The following POLQ variants were observed in gnomAD, a reference collection of about 807,000 sequenced individuals.
POLQ encodes the protein DNA polymerase theta.
Under a neutral mutation model 259.2 loss-of-function variants are expected in POLQ, and 233 were observed. The observed-to-expected ratio is 0.90, with a 90% confidence interval of 0.81 to 1.00. The LOEUF (loss-of-function observed/expected upper bound fraction) is 1.00. Ranked by LOEUF, POLQ falls within the 50% of genes least tolerant of loss-of-function variation. The pLI, the probability that POLQ is intolerant of heterozygous loss-of-function variation, is 0.00. For missense variants in POLQ, 2,871 were observed against 3,051.6 expected (o/e 0.94, Z 1.39); for synonymous variants, 1,025 against 1,048.8 (o/e 0.98, Z 0.44).
chr3:121,497,953 T>C (rs1430347561), intron 13 of POLQ, among the ~76,000 whole-genome samples: 1 of 152,202 alleles, frequency 6.6e-6, no homozygotes, highest in Non-Finnish European at 1.5e-5. Context: ...ATAAGGTCTT[T>C]ATATATAATG....
At chr3:121,457,676 C>T in intron 25 of POLQ, among the ~76,000 whole-genome samples, 1 of 152,150 alleles carries the variant, frequency 6.6e-6, no homozygotes, top group Non-Finnish European at 1.5e-5. Context: ...AAATCAAAAC[C>T]ACAATGAGAT....
chr3:121,539,592 G>T lies in POLQ; in HGVS notation c.475-3C>A. On this transcript the variant is annotated splice_region_variant and splice_polypyrimidine_tract_variant and intron_variant, in intron 3 of 29. Coordinates refer to ENST00000264233, the MANE Select transcript of POLQ (RefSeq NM_199420.4). The stretch of plus-strand genomic sequence containing the variant: ...ATTCCTACTTCCTGAAACAGACTCT[G>T]AATTGAGTAAAAAGGAACAATACAG... 6.2e-7 allele frequency: 1 copy of T among 1,610,240 alleles called. No homozygotes were observed. The highest frequency in any genetic ancestry group is 1.1e-5 in the South Asian group (1 of 90,610).
chr3:121,513,919 G>A (rs2048275121), intron 9 of POLQ, among the ~76,000 whole-genome samples: 1 of 149,834 alleles, frequency 6.7e-6, no homozygotes, highest in Admixed American at 6.7e-5. Flanking sequence ...CTACTTGGGA[G>A]GCTGAGGCAG....
chr3:121,541,234 G>T, intron 3 of POLQ, 115 bp downstream of exon 3: 2 of 916,110 alleles, frequency 2.2e-6, no homozygotes, highest in Non-Finnish European at 3.3e-6. Flanking sequence ...GCTACATAGG[G>T]CACAATGAAG....
intron 20 of POLQ, among the ~76,000 whole-genome samples, chr3:121,474,987 C>T (rs962142332): frequency 6.6e-6 from 1 of 152,100 alleles, no homozygotes; most frequent in Non-Finnish European, 1.5e-5. Flanking sequence ...ATATTGATCA[C>T]CACACTTAGA....
intron 11 of POLQ, 89 bp downstream of exon 11, chr3:121,509,950 T>C (rs987614714): frequency 1.8e-6 from 2 of 1,111,484 alleles, no homozygotes; most frequent in African/African-American, 3.1e-5. Flanking sequence ...TTATACTACA[T>C]GAAAAGACAA....
Position 121,440,058 on chromosome 3 carries a change from C to T in POLQ, c.7323G>A (p.Gln2441=), listed in dbSNP as rs1312676549. Reference sequence around the variant, plus strand: ...AATATCTACGCCTTCCCAAAATGGTCTGAACAAATCCGTCTCTTTTACAAT... The same window carrying T: ...AATATCTACGCCTTCCCAAAATGGTTTGAACAAATCCGTCTCTTTTACAAT... ...VKNCKRDGFV[Q]TILGRRRYLP... The change falls in exon 27 of 30, where the codon CAG becomes CAA. Residue 2441 remains glutamine (Q), a synonymous_variant. Transcript: ENST00000264233. 5 of 1,611,198 alleles carry T rather than the reference C, an allele frequency of 3.1e-6. No homozygotes were observed.
chr3:121,465,700 A>G (rs1384959226), intron 24 of POLQ, among the ~76,000 whole-genome samples: 1 of 152,154 alleles, frequency 6.6e-6, no homozygotes, highest in Non-Finnish European at 1.5e-5. Flanking sequence ...TATTATTACA[A>G]TCCATGAACC....
intron 13 of POLQ, among the ~76,000 whole-genome samples, 161 bp downstream of exon 13, chr3:121,498,316 T>TA (rs1312737665): frequency 2.2e-3 from 315 of 140,246 alleles, no homozygotes; most frequent in Middle Eastern, 7.2e-3. Flanking sequence ...ATTTCAAAAT[T>TA]AAAAAAAAAA....
intron 1 of POLQ, 88 bp downstream of exon 1, chr3:121,545,627 G>A: frequency 1.5e-6 from 2 of 1,290,338 alleles, no homozygotes; most frequent in Non-Finnish European, 2.1e-6. Context: ...ATGCAACGAA[G>A]CAAGTCCCGT....
intron 4 of POLQ, among the ~76,000 whole-genome samples, chr3:121,538,171 A>G (rs1050327659): frequency 6.6e-6 from 1 of 152,182 alleles, no homozygotes; most frequent in African/African-American, 2.4e-5. Flanking sequence ...AAAGTAGCTT[A>G]GAAAAAACAT....
Position 121,488,453 on chromosome 3 carries a change from C to A in POLQ, c.4478G>T (p.Ser1493Ile). 1 of 1,610,274 alleles carries A rather than the reference C, an allele frequency of 6.2e-7. No homozygotes were observed. The highest frequency in any genetic ancestry group is 8.5e-7 in the Non-Finnish European group (1 of 1,178,594). Residue 1493 changes from serine to isoleucine, a missense_variant, in exon 16 of 30, where the codon AGC becomes ATC. Around this residue, in one of 3 missense-constraint regions of POLQ, gnomAD observed 2,080 missense variants for 2,126.0 expected, o/e 0.98. Transcript: ENST00000264233. ...TTTTACTAGATAGTCATCACTGAAG[C>A]TATCAAATAGTAAACTATCACTCAT... ...LNMSDSLLFDSFSDDYLVKEQ... is the reference protein window; with the variant it reads ...LNMSDSLLFDIFSDDYLVKEQ...
At position 121,481,512 on chromosome 3, in the gene POLQ, G is replaced by C. The variant is rs947614531; in HGVS notation, c.6211+60C>G. The C allele has an allele frequency of 7.7e-6, 11 of 1,436,348 alleles. No individual in the cohort carries two copies. The South Asian group carries it at 8.4e-5, about 11-fold the overall frequency. The allele number at this position is 1,436,348 out of a possible 1,614,324, so 89.0% of individuals were successfully genotyped here. A position where few individuals can be genotyped will look rare whatever the true frequency, so the allele number is the denominator to read the frequency against. ...GTGTAATTTACCCATTTTTGATAAA[G>C]AGTGGCTAAATCTCTATCTCTAATC... On this transcript the variant is annotated intron_variant, in intron 19 of 29. Transcript: ENST00000264233.
At position 121,432,976 on chromosome 3, in the gene POLQ, A is replaced by C; in HGVS notation, c.7601T>G (p.Phe2534Cys). 1 of 1,612,908 alleles carries C rather than the reference A, an allele frequency of 6.2e-7. No individual in the cohort carries two copies. The highest frequency in any genetic ancestry group is 8.5e-7 in the Non-Finnish European group (1 of 1,178,922). ...GMFCPIRGGF[F>C]ILQLHDELLY... ...GAGTTCATCATGGAGTTGAAGGATG[A>C]AGAAGCCTCCTCTGATTGGGCAGAA... The change falls in exon 29 of 30, where the codon TTC (phenylalanine) becomes TGC (cysteine). Residue 2534 changes from phenylalanine to cysteine, a missense_variant. Physicochemically the swap from Phe to Cys is radical, Grantham distance 205 (BLOSUM62 -2). Around this residue, in one of 3 missense-constraint regions of POLQ, gnomAD observed 2,080 missense variants for 2,126.0 expected, o/e 0.98. Transcript: ENST00000264233.
chr3:121,496,581 G>A (rs1055384623), intron 14 of POLQ, among the ~76,000 whole-genome samples: 1 of 152,152 alleles, frequency 6.6e-6, no homozygotes, highest in Admixed American at 6.5e-5. Context: ...TCAGCAGGTT[G>A]CTAAGGAATA....
chr3:121,544,921 A>C lies in POLQ; in HGVS notation c.164-15T>G. The stretch of plus-strand genomic sequence containing the variant: ...CTTGCATTCTCCTTTTAGGAAAAAG[A>C]AAAAATTAAAATTTAATTTACTTCT... On this transcript the variant is annotated splice_polypyrimidine_tract_variant and intron_variant, in intron 1 of 29. Coordinates refer to ENST00000264233, the MANE Select transcript of POLQ (RefSeq NM_199420.4). 6.6e-7 allele frequency: 1 copy of C among 1,521,400 alleles called. No individual in the cohort carries two copies. The highest frequency in any genetic ancestry group is 9.0e-7 in the Non-Finnish European group (1 of 1,115,360). The allele number at this position is 1,521,400 out of a possible 1,614,324, so 94.2% of individuals were successfully genotyped here.
At chr3:121,463,530 T>TA (rs957755782) in intron 24 of POLQ, among the ~76,000 whole-genome samples, 2 of 152,180 alleles carry the variant, frequency 1.3e-5, no homozygotes, top group Non-Finnish European at 2.9e-5. Flanking sequence ...GTTTCTTTTT[T>TA]GGCTTTGGAT....
At chr3:121,465,962 T>C (rs1458688156) in intron 24 of POLQ, among the ~76,000 whole-genome samples, 1 of 152,190 alleles carries the variant, frequency 6.6e-6, no homozygotes. Context: ...GGAAGGCATG[T>C]CAAAAGCTGA....
In POLQ at chr3:121,545,776, G is replaced by A. The variant is rs761264322; in HGVS notation, c.102C>T (p.Leu34=). The A allele has an allele frequency of 7.5e-6, 12 of 1,608,964 alleles. No individual in the cohort carries two copies. The highest frequency in any genetic ancestry group is 1.0e-5 in the Non-Finnish European group (12 of 1,177,938). Residue 34 remains leucine, a synonymous_variant, in exon 1 of 30, where the codon CTC becomes CTT. Transcript: ENST00000264233. ...GCGGCGGGCTCAGCACGGACCCGGA[G>A]AGGAACTGGGGGCTGGCACTGCTGT... ...GGDSSASPQF[L]SGSVLSPPPG...
Sources: gnomAD v4.1 joint callset for allele counts (sites outside exome capture counted in the v4.1 genomes callset) on GRCh38, gnomAD v4.1.1 for gene constraint, gnomAD v4.1.1 regional missense constraint, MANE v1.5 for transcripts, NCBI Gene and HGNC (gene_info 2026-07-23, HGNC 2026-07-21) for gene names.